ZNF433: variants seen among roughly 807,000 people sequenced by gnomAD.
The protein encoded by ZNF433 is zinc finger protein 433.
A neutral mutation model predicts 10.6 loss-of-function variants in ZNF433; 12 were observed. The observed-to-expected ratio is 1.13, with a 90% CI of 0.72 to 1.83. The LOEUF (loss-of-function observed/expected upper bound fraction) is 1.83. Ranked by LOEUF, ZNF433 falls within the 40% of genes most tolerant of loss-of-function variation. The pLI, the probability that ZNF433 is intolerant of heterozygous loss-of-function variation, is 0.00. For missense variants in ZNF433, 737 were observed against 798.0 expected, an observed-to-expected ratio of 0.92 and a Z score of 0.92; for synonymous variants, 272 against 271.3, an observed-to-expected ratio of 1.00 and a Z score of -0.02.
intron 1 of ZNF433, among the ~76,000 whole-genome samples, chr19:12,027,359 A>G (rs982013874): frequency 1.3e-5 from 2 of 152,264 alleles, no homozygotes; most frequent in Admixed American, 1.3e-4. Flanking sequence ...TGTTGGGGAC[A>G]GGCTCCCAAA....
intron 1 of ZNF433, chr19:12,027,174 C>A: frequency 4.7e-6 from 2 of 421,358 alleles, no homozygotes; most frequent in South Asian, 3.4e-5. Flanking sequence ...GCTATTAACC[C>A]ATTAAAATAG....
Position 12,023,808 on chromosome 19 carries a change from T to C in ZNF433, c.4-5516A>G, listed in dbSNP as rs1214165700. Reference sequence around the variant, plus strand: ...CTATAAATTAATGGGGGAGAGATTTTACTGCAACAATGGGGAGTACAAGTT... The same window carrying C: ...CTATAAATTAATGGGGGAGAGATTTCACTGCAACAATGGGGAGTACAAGTT... On this transcript the variant is annotated intron_variant, in intron 1 of 3. Coordinates refer to ENST00000550507, the MANE Select transcript of ZNF433 (RefSeq NM_001308348.2). 2.0e-5 allele frequency: 3 copies of C among 152,144 alleles called. No individual in the cohort carries two copies. The East Asian group carries it at 5.8e-4, about 29-fold the overall frequency. The allele number at this position is 152,144 out of a possible 1,614,324, so 9.4% of individuals were successfully genotyped here. A position where few individuals can be genotyped will look rare whatever the true frequency, so the allele number is the denominator to read the frequency against.
chr19:12,024,693 T>G (rs1974655523), intron 1 of ZNF433: 1 of 152,230 alleles, frequency 6.6e-6, no homozygotes, highest in African/African-American at 2.4e-5. Flanking sequence ...ACTCTAGATT[T>G]GCTAATTTTT....
At chr19:12,030,772 T>C (rs779156669) in intron 1 of ZNF433, among the ~76,000 whole-genome samples, 2 of 152,180 alleles carry the variant, frequency 1.3e-5, no homozygotes, top group Admixed American at 6.5e-5. Context: ...AAATAATATA[T>C]TGTACATTTT....
chr19:12,023,254 C>A (rs904220525), intron 1 of ZNF433: 1 of 152,242 alleles, frequency 6.6e-6, no homozygotes, highest in Non-Finnish European at 1.5e-5. Context: ...AAAGTTCCAA[C>A]AGGGGTCTGT....
At position 12,015,361 on chromosome 19, in the gene ZNF433, T is replaced by A; in HGVS notation, c.1497A>T (p.Gly499=). 6.2e-7 allele frequency: 1 copy of A among 1,614,158 alleles called. No homozygotes were observed. The highest frequency in any genetic ancestry group is 1.1e-5 in the South Asian group (1 of 91,084). The part of the protein sequence containing the change: ...LFHRHERTHT[G]GKTYECKQCG... ...ACTGCTTGCATTCATAGGTTTTTCCTCCAGTGTGAGTCCTTTCATGTCTAT... is the reference window on the plus strand; with the variant it reads ...ACTGCTTGCATTCATAGGTTTTTCCACCAGTGTGAGTCCTTTCATGTCTAT... The change falls in exon 4 of 4, where the codon GGA becomes GGT. Residue 499 remains glycine (G), a synonymous_variant. Coordinates refer to ENST00000550507, the MANE Select transcript of ZNF433 (RefSeq NM_001308348.2).
Position 12,014,920 on chromosome 19 carries a change from G to T in ZNF433, c.1938C>A (p.Asn646Lys). ...THTGEKPYKCNQCGKVFRCSS... is the reference protein window; with the variant it reads ...THTGEKPYKCKQCGKVFRCSS... ...AACATCTAAAGACTTTACCACATTG[G>T]TTACATTTATAGGGTTTCTCTCCAG... Residue 646 changes from asparagine to lysine, a missense_variant, in exon 4 of 4, where the codon AAC (asparagine) becomes AAA (lysine). By Grantham distance (94) the Asn-to-Lys change is moderately conservative. Coordinates refer to ENST00000550507, the MANE Select transcript of ZNF433 (RefSeq NM_001308348.2). The T allele has an allele frequency of 6.2e-7, 1 of 1,613,832 alleles. No homozygotes were observed. Among genetic ancestry groups the T allele is most frequent in the Non-Finnish European group, 8.5e-7 (1 of 1,179,890 alleles).
rs1974099713 is a variant in ZNF433 at position 12,015,147 on chromosome 19, C to T, written c.1711G>A (p.Ala571Thr). Residue 571 changes from alanine (A) to threonine (T), a missense_variant, in exon 4 of 4, where the codon GCC becomes ACC. Transcript: ENST00000550507. The part of the protein sequence containing the change: ...CKQCGKAFGS[A>T]SHLQMHGRTH... Reference sequence around the variant, plus strand: ...CTTCCATGCATTTGAAGGTGTGAGGCAGATCCAAAGGCTTTCCCACACTGC... The same window carrying T: ...CTTCCATGCATTTGAAGGTGTGAGGTAGATCCAAAGGCTTTCCCACACTGC... 6.2e-7 allele frequency: 1 copy of T among 1,612,790 alleles called. No individual in the cohort carries two copies. The highest frequency in any genetic ancestry group is 1.3e-5 in the African/African-American group (1 of 74,496).
chr19:12,021,171 G>C (rs772887575), intron 1 of ZNF433, among the ~76,000 whole-genome samples: 1 of 151,484 alleles, frequency 6.6e-6, no homozygotes, highest in East Asian at 2.0e-4. Context: ...TAGTAGAGAC[G>C]GGGGTTTCAC....
chr19:12,029,735 T>C (rs1974914860), intron 1 of ZNF433, among the ~76,000 whole-genome samples: 1 of 151,874 alleles, frequency 6.6e-6, no homozygotes, highest in African/African-American at 2.4e-5. Context: ...ATTAGTACTC[T>C]TATGAGACAC....
intron 1 of ZNF433, chr19:12,023,259 G>T (rs572954252): frequency 6.6e-6 from 1 of 152,236 alleles, no homozygotes; most frequent in South Asian, 2.1e-4. Flanking sequence ...TCCAACAGGG[G>T]TCTGTGGACA....
rs764658906 is a variant in ZNF433, at chr19:12,016,140, TTCG to T, written c.715_717del (p.Arg239del). Reference sequence around the variant, plus strand: ...TCCCCAGTGTGAGTTCTTTCATGTATTCGAAGGCTACTAGAATGACTAAAGGCT... The same window carrying T: ...TCCCCAGTGTGAGTTCTTTCATGTATAAGGCTACTAGAATGACTAAAGGCT... On this transcript the variant is annotated inframe_deletion, in exon 4 of 4. Coordinates refer to ENST00000550507, the MANE Select transcript of ZNF433 (RefSeq NM_001308348.2). The T allele has an allele frequency of 6.2e-7, 1 of 1,614,192 alleles. No individual in the cohort carries two copies. Among genetic ancestry groups the T allele is most frequent in the Admixed American group, 1.7e-5 (1 of 60,018 alleles).
chr19:12,017,482 C>T lies in ZNF433; in HGVS notation c.191+394G>A, dbSNP rs1974266698. On this transcript the variant is annotated intron_variant, in intron 3 of 3. Coordinates refer to ENST00000550507, the MANE Select transcript of ZNF433 (RefSeq NM_001308348.2). ...CCTTCCAAAGTGCTGGGATTACAGG[C>T]GTGAGCCACCACGCCTGGCGTCTCT... Among the ~76,000 whole-genome samples, 4 of 152,156 alleles carry T rather than the reference C, an allele frequency of 2.6e-5. No homozygotes were observed. In the South Asian group the frequency reaches 8.3e-4, roughly 32 times the overall value.
intron 1 of ZNF433, among the ~76,000 whole-genome samples, chr19:12,033,213 C>A (rs1975115600): frequency 6.6e-6 from 1 of 152,168 alleles, no homozygotes; most frequent in Non-Finnish European, 1.5e-5. Flanking sequence ...CAGGCCTCAG[C>A]CTCTGGAGTA....
chr19:12,014,769 T>C lies in ZNF433; in HGVS notation c.*76A>G, dbSNP rs559559698. The C allele has an allele frequency of 3.4e-4, 364 of 1,059,476 alleles. 2 individuals are homozygous for C. Among genetic ancestry groups the C allele is most frequent in the African/African-American group, 3.2e-3 (199 of 62,220 alleles). 65.6% of individuals were successfully genotyped at this position (1,059,476 alleles called of 1,614,324 possible). A position where few individuals can be genotyped will look rare whatever the true frequency, so the allele number is the denominator to read the frequency against. ...TTTATTTAATTTTTATAACAGAGTC[T>C]CACTATGTTGCCCAGGCTGGTCTTG... is the stretch of plus-strand genomic sequence containing the variant. On this transcript the variant is annotated 3_prime_UTR_variant, in exon 4 of 4. Coordinates refer to ENST00000550507, the MANE Select transcript of ZNF433 (RefSeq NM_001308348.2).
intron 1 of ZNF433, chr19:12,023,591 T>C (rs1974599047): frequency 6.6e-6 from 1 of 152,090 alleles, no homozygotes. Context: ...TTTAAAGGAT[T>C]GGTAGATACA....
At chr19:12,026,848 T>G in intron 1 of ZNF433, 1 of 454,036 alleles carries the variant, frequency 2.2e-6, no homozygotes, top group Non-Finnish European at 4.4e-6. Context: ...TCAGCTGGTC[T>G]GAACAAAATG....
At position 12,014,781 on chromosome 19, in the gene ZNF433, C is replaced by T. The variant is rs1974069581; in HGVS notation, c.*64G>A. The T allele has an allele frequency of 1.6e-6, 2 of 1,240,430 alleles. No homozygotes were observed. Among genetic ancestry groups the T allele is most frequent in the Non-Finnish European group, 2.2e-6 (2 of 908,836 alleles). 76.8% of individuals were successfully genotyped at this position (1,240,430 alleles called of 1,614,324 possible). A position where few individuals can be genotyped will look rare whatever the true frequency, so the allele number is the denominator to read the frequency against. ...TTATAACAGAGTCTCACTATGTTGC[C>T]CAGGCTGGTCTTGAACTCCTGGGCT... On this transcript the variant is annotated 3_prime_UTR_variant, in exon 4 of 4. Coordinates refer to ENST00000550507, the MANE Select transcript of ZNF433 (RefSeq NM_001308348.2).
rs781542785 is a variant in ZNF433 at position 12,015,186 on chromosome 19, G to A, written c.1672C>T (p.Pro558Ser). ...TTCCCACACTGCTTACATTCATAAG[G>A]TTTCTCTCCAGTGTGAGTCCTTCCA... ...IHGRTHTGEK[P>S]YECKQCGKAF... The change falls in exon 4 of 4, where the codon CCT becomes TCT. Residue 558 changes from proline (P) to serine (S), a missense_variant. Pro to Ser is a moderately conservative substitution (Grantham distance 74). Transcript: ENST00000550507. 3.1e-6 allele frequency: 5 copies of A among 1,613,840 alleles called. No individual in the cohort carries two copies. Among genetic ancestry groups the A allele is most frequent in the Non-Finnish European group, 4.2e-6 (5 of 1,179,904 alleles).
Sources: gnomAD v4.1 joint callset for allele counts (sites outside exome capture counted in the v4.1 genomes callset) on GRCh38, gnomAD v4.1.1 for gene constraint, MANE v1.5 for transcripts, NCBI Gene and HGNC (gene_info 2026-07-23, HGNC 2026-07-21) for gene names.